The following BOD1L1 variants were observed in gnomAD, a reference collection of about 807,000 sequenced individuals.
BOD1L1 encodes the protein biorientation of chromosomes in cell division protein 1-like 1.
In BOD1L1, 86 loss-of-function variants were observed where a neutral mutation model predicts 240.7. The ratio of observed to expected loss-of-function variants is 0.36; its 90% confidence interval spans 0.30 to 0.43. The LOEUF (loss-of-function observed/expected upper bound fraction) is 0.43, where lower values mean the gene tolerates loss of function less well. Ranked by LOEUF, BOD1L1 falls within the 20% of genes least tolerant of loss-of-function variation. BOD1L1 has a pLI of 1.00. For synonymous variants in BOD1L1, 1,268 were observed against 1,272.3 expected, an observed-to-expected ratio of 1.00 and a Z score of 0.07; for missense variants, 3,554 against 3,643.5, an observed-to-expected ratio of 0.98 and a Z score of 0.63.
chr4:13,596,062 TCAAGAGTA>T, intron 11 of BOD1L1, 118 bp from the exon 12 acceptor site: 2 of 784,646 alleles, frequency 2.5e-6, no homozygotes, highest in Non-Finnish European at 4.1e-6. Context: ...AAGCCTATTT[TCAAGAGTA>T]CACAAAACTT....
intron 12 of BOD1L1, chr4:13,592,749 G>T (rs1023132567): frequency 6.6e-6 from 1 of 152,054 alleles, no homozygotes; most frequent in Non-Finnish European, 1.5e-5. Flanking sequence ...CACTTCTTAC[G>T]AGTCTTCTGA....
rs1426356657 is a variant in BOD1L1, at chr4:13,614,726, G to A, written c.644C>T (p.Ala215Val). ...TTCTGTTGAAGCCCTAGCAGCACTG[G>A]CTTCTTGGTTAAGAGAAGTTATGGT... is the stretch of plus-strand genomic sequence containing the variant. ...LETITSLNQE[A>V]SAARASTETS... The change falls in exon 4 of 26, where the codon GCC becomes GTC. Residue 215 changes from alanine (A) to valine (V), a missense_variant. Ala to Val is a moderately conservative substitution (Grantham distance 64). Coordinates refer to ENST00000040738, the MANE Select transcript of BOD1L1 (RefSeq NM_148894.3). The A allele has an allele frequency of 6.2e-7, 1 of 1,613,858 alleles. No individual in the cohort carries two copies. The highest frequency in any genetic ancestry group is 1.1e-5 in the South Asian group (1 of 91,080).
chr4:13,583,993 G>A (rs745513544), intron 17 of BOD1L1, among the ~76,000 whole-genome samples: 25 of 152,156 alleles, frequency 1.6e-4, no homozygotes, highest in Non-Finnish European at 2.8e-4. Context: ...TACATAACTA[G>A]GTCCAAGACA....
chr4:13,581,388 T>A (rs921692758), intron 19 of BOD1L1, among the ~76,000 whole-genome samples, 181 bp from the exon 20 acceptor site: 4 of 152,180 alleles, frequency 2.6e-5, no homozygotes, highest in African/African-American at 9.7e-5. Flanking sequence ...TCACCATTGC[T>A]TCTTCAACCT....
chr4:13,582,363 C>G, intron 18 of BOD1L1, 53 bp from the exon 19 acceptor site: 5 of 1,394,518 alleles, frequency 3.6e-6, no homozygotes, highest in Non-Finnish European at 5.0e-6. Flanking sequence ...TCAGCCTTCC[C>G]CACCTTTACC....
At chr4:13,575,073 C>T (rs1226224476) in intron 25 of BOD1L1, among the ~76,000 whole-genome samples, 1 of 151,986 alleles carries the variant, frequency 6.6e-6, no homozygotes, top group Non-Finnish European at 1.5e-5. Flanking sequence ...GCACGTGCCA[C>T]CACACCCAGC....
intron 9 of BOD1L1, among the ~76,000 whole-genome samples, chr4:13,606,396 C>T (rs1167279273): frequency 6.6e-6 from 1 of 152,092 alleles, no homozygotes; most frequent in African/African-American, 2.4e-5. Flanking sequence ...CAAATAATCA[C>T]TAACATTGCT....
At chr4:13,619,159 C>CA (rs1716842300) in intron 2 of BOD1L1, among the ~76,000 whole-genome samples, 1 of 151,752 alleles carries the variant, frequency 6.6e-6, no homozygotes, top group Non-Finnish European at 1.5e-5. Context: ...CCTGTCTCTA[C>CA]AAAAAAATAC....
Position 13,599,328 on chromosome 4 carries a change from G to A in BOD1L1, c.7572C>T (p.Arg2524=). 6.2e-7 allele frequency: 1 copy of A among 1,613,574 alleles called. No individual in the cohort carries two copies. The highest frequency in any genetic ancestry group is 1.7e-5 in the Admixed American group (1 of 59,990). The change falls in exon 10 of 26, where the codon CGC becomes CGT. Residue 2524 remains arginine (R), a synonymous_variant. Transcript: ENST00000040738. The part of the protein sequence containing the change: ...QTAKDPSVSI[R]YLAAVNTGAI... Reference sequence around the variant, plus strand: ...CACCGGTGTTTACTGCTGCCAAATAGCGAATGCTGACAGAGGGATCCTTAG... The same window carrying A: ...CACCGGTGTTTACTGCTGCCAAATAACGAATGCTGACAGAGGGATCCTTAG...
chr4:13,623,290 ATGTT>A (rs1388816164), intron 1 of BOD1L1: 1 of 152,096 alleles, frequency 6.6e-6, no homozygotes, highest in African/African-American at 2.4e-5. Flanking sequence ...TGCTCAATGA[ATGTT>A]TGTTGGGTGA....
In BOD1L1 at chr4:13,603,430, T is replaced by A; in HGVS notation, c.3470A>T (p.Lys1157Ile). Residue 1157 changes from lysine (K) to isoleucine (I), a missense_variant, in exon 10 of 26, where the codon AAA becomes ATA. Coordinates refer to ENST00000040738, the MANE Select transcript of BOD1L1 (RefSeq NM_148894.3). ...ATCCTTTTGAACAGTGGCAGAAGTT[T>A]TTTGTTTCATATTTTCAGAGTCAAT... Reference protein sequence around the residue: ...QDIDSENMKQKTSATVQKDEL... With the variant: ...QDIDSENMKQITSATVQKDEL... 1 of 1,613,492 alleles carries A rather than the reference T, an allele frequency of 6.2e-7. No homozygotes were observed. Among genetic ancestry groups the A allele is most frequent in the Non-Finnish European group, 8.5e-7 (1 of 1,179,760 alleles).
chr4:13,585,956 T>C (rs1207213776), intron 17 of BOD1L1, among the ~76,000 whole-genome samples: 1 of 152,190 alleles, frequency 6.6e-6, no homozygotes, highest in African/African-American at 2.4e-5. Flanking sequence ...CTTTATAAAT[T>C]ACCCAGTCTC....
In BOD1L1 at chr4:13,602,364, T is replaced by C; in HGVS notation, c.4536A>G (p.Ala1512=). 1 of 1,613,986 alleles carries C rather than the reference T, an allele frequency of 6.2e-7. No homozygotes were observed. The highest frequency in any genetic ancestry group is 8.5e-7 in the Non-Finnish European group (1 of 1,179,878). The stretch of plus-strand genomic sequence containing the variant: ...TACTAGTGGCAACAGAAGTCTTTTC[T>C]GCTCTCCTAGGCCCAGTTGCCACAT... ...TEDVATGPRR[A]EKTSVATSTE... is the part of the protein sequence containing the mutation. Residue 1512 remains alanine (A), a synonymous_variant, in exon 10 of 26, where the codon GCA becomes GCG. Coordinates refer to ENST00000040738, the MANE Select transcript of BOD1L1 (RefSeq NM_148894.3).
Position 13,620,062 on chromosome 4 carries a change from C to T in BOD1L1, c.249G>A (p.Ala83=), listed in dbSNP as rs184203522. ...CAACACGCTGTCTCAGATTCTGATA[C>T]GCAGGCTAGAGAGAAAAAAACGAAG... ...DCLADVDTKP[A]YQNLRQRVDN... is the part of the protein sequence containing the mutation. The change falls in exon 2 of 26, where the codon GCG becomes GCA. Residue 83 remains alanine (A), a synonymous_variant. Transcript: ENST00000040738. The T allele has an allele frequency of 3.6e-5, 58 of 1,601,612 alleles. No homozygotes were observed. Among genetic ancestry groups the T allele is most frequent in the Middle Eastern group, 1.6e-4 (1 of 6,068 alleles).
At position 13,603,694 on chromosome 4, in the gene BOD1L1, C is replaced by G. The variant is rs1256024071; in HGVS notation, c.3206G>C (p.Arg1069Thr). 3 of 1,613,968 alleles carry G rather than the reference C, an allele frequency of 1.9e-6. No individual in the cohort carries two copies. The highest frequency in any genetic ancestry group is 2.5e-6 in the Non-Finnish European group (3 of 1,179,878). The change falls in exon 10 of 26, where the codon AGG becomes ACG. Residue 1069 changes from arginine (R) to threonine (T), a missense_variant. This residue lies in a region of BOD1L1 where 3,393 missense variants were observed against 3,427.1 expected (regional missense o/e 0.99). Coordinates refer to ENST00000040738, the MANE Select transcript of BOD1L1 (RefSeq NM_148894.3). ...GCTTCCTCTCCGATTTTCGCACAAC[C>G]TTCTACTTAATTTCTTTTCCATGAG... ...SSLMEKKLSR[R>T]LCENRRGSLS...
At position 13,599,706 on chromosome 4, in the gene BOD1L1, G is replaced by A. The variant is rs1392710154; in HGVS notation, c.7194C>T (p.Pro2398=). The A allele has an allele frequency of 3.7e-6, 6 of 1,613,558 alleles. No homozygotes were observed. The highest frequency in any genetic ancestry group is 1.7e-5 in the Admixed American group (1 of 59,994). The part of the protein sequence containing the change: ...GPVRGGKEPG[P]VLAVSTEEGH... ...CCTCCTCGGTGCTCACTGCCAACAC[G>A]GGACCCGGTTCTTTGCCTCCCCTGA... is the stretch of plus-strand genomic sequence containing the variant. Residue 2398 remains proline (P), a synonymous_variant, in exon 10 of 26, where the codon CCC becomes CCT. Transcript: ENST00000040738.
intron 5 of BOD1L1, 57 bp from the exon 6 acceptor site, chr4:13,611,157 T>C: frequency 2.3e-6 from 3 of 1,326,868 alleles, no homozygotes; most frequent in Non-Finnish European, 3.1e-6. Context: ...AAAATCAACA[T>C]TATGCTGTAC....
Position 13,615,353 on chromosome 4 carries a change from G to A in BOD1L1, c.518C>T (p.Ala173Val), listed in dbSNP as rs1421885256. The A allele has an allele frequency of 2.5e-6, 4 of 1,613,210 alleles. No individual in the cohort carries two copies. Among genetic ancestry groups the A allele is most frequent in the East Asian group, 2.2e-5 (1 of 44,872 alleles). ...AGTGTCTGGTTTCTCATCATCGGGA[G>A]CTGTGTTGCCACTTCCTTCCTCTTT... ...NHKEEGSGNT[A>V]PDDEKPDTSL... The change falls in exon 3 of 26, where the codon GCT (alanine) becomes GTT (valine). Residue 173 changes from alanine to valine, a missense_variant. Around this residue, in one of 2 missense-constraint regions of BOD1L1, gnomAD observed 3,393 missense variants for 3,427.1 expected, o/e 0.99. Transcript: ENST00000040738.
At chr4:13,595,173 T>C (rs1006137076) in intron 12 of BOD1L1, among the ~76,000 whole-genome samples, 3 of 152,254 alleles carry the variant, frequency 2.0e-5, no homozygotes, top group Non-Finnish European at 4.4e-5. Flanking sequence ...GTTAATTATA[T>C]TGAATTAATA....
Sources: gnomAD v4.1 joint callset for allele counts (sites outside exome capture counted in the v4.1 genomes callset) on GRCh38, gnomAD v4.1.1 for gene constraint, gnomAD v4.1.1 regional missense constraint, MANE v1.5 for transcripts, NCBI Gene and HGNC (gene_info 2026-07-23, HGNC 2026-07-21) for gene names.